NTNG1: variants seen among roughly 807,000 people sequenced by gnomAD.
NTNG1 encodes netrin-G1.
Under a neutral mutation model 54.0 loss-of-function variants are expected in NTNG1, and 16 were observed. The observed-to-expected ratio is 0.30, with a 90% CI of 0.20 to 0.45. NTNG1 has a LOEUF of 0.45. Among genes scored for constraint, NTNG1 ranks in the 20% least tolerant of loss-of-function variants. The pLI is 1.00. For missense variants in NTNG1, 530 were observed against 678.7 expected (o/e 0.78, Z 2.43); for synonymous variants, 255 against 263.1 (o/e 0.97, Z 0.30).
rs1361791693 is a variant in NTNG1, at chr1:107,372,762, AT to A, written c.888-22383del. Among the ~76,000 whole-genome samples, 9 of 151,398 alleles carry A rather than the reference AT, an allele frequency of 5.9e-5. No individual in the cohort carries two copies. The East Asian group carries it at 1.5e-3, about 26-fold the overall frequency. On this transcript the variant is annotated intron_variant, in intron 3 of 7. Transcript: ENST00000370068. Reference sequence around the variant, plus strand: ...AGGACTATGGAAACACCTCGCCATCATTTTTTTTTATTTGTCCTTCAATCAA... The same window carrying A: ...AGGACTATGGAAACACCTCGCCATCATTTTTTTTATTTGTCCTTCAATCAA...
chr1:107,468,558 C>G (rs770163194), intron 7 of NTNG1, among the ~76,000 whole-genome samples: 1 of 152,146 alleles, frequency 6.6e-6, no homozygotes, highest in Non-Finnish European at 1.5e-5. Flanking sequence ...TCAAAGAACA[C>G]CAAATCCTTT....
In NTNG1 at chr1:107,183,262, TG is replaced by T. The variant is rs373737282; in HGVS notation, c.246+34425del. 5.8e-3 allele frequency among the ~76,000 whole-genome samples: 877 copies of T among 152,278 alleles called. 5 individuals are homozygous for T. Among genetic ancestry groups the T allele is most frequent in the Non-Finnish European group, 8.4e-3 (571 of 68,016 alleles). On this transcript the variant is annotated intron_variant, in intron 2 of 7. Transcript: ENST00000370068. ...TACTTCTCTTCTTTATGGCTGTATC[TG>T]GCACACTGATCTGTTTAAGGTCTTT...
At chr1:107,401,344 T>C (rs1433001113) in intron 4 of NTNG1, among the ~76,000 whole-genome samples, 2 of 152,130 alleles carry the variant, frequency 1.3e-5, no homozygotes, top group African/African-American at 2.4e-5. Context: ...AGGCCCAGTG[T>C]TGAAAACCGG....
intron 3 of NTNG1, among the ~76,000 whole-genome samples, chr1:107,360,419 C>T (rs1670192503): frequency 6.6e-6 from 1 of 151,958 alleles, no homozygotes; most frequent in Non-Finnish European, 1.5e-5. Flanking sequence ...TGTAAAGACC[C>T]TGAAGAGAAA....
At chr1:107,287,109 T>G (rs1014317486) in intron 2 of NTNG1, among the ~76,000 whole-genome samples, 19 of 152,170 alleles carry the variant, frequency 1.2e-4, no homozygotes, top group Admixed American at 8.5e-4. Context: ...TATAAAGGAA[T>G]AATAGATGTA....
intron 3 of NTNG1, among the ~76,000 whole-genome samples, chr1:107,347,354 A>G (rs1275552094): frequency 6.6e-6 from 1 of 152,134 alleles, no homozygotes; most frequent in Non-Finnish European, 1.5e-5. Flanking sequence ...TATCTAGAAA[A>G]CATTAGAAAA....
At chr1:107,320,710 A>G (rs2101867280) in intron 2 of NTNG1, among the ~76,000 whole-genome samples, 1 of 122,272 alleles carries the variant, frequency 8.2e-6, no homozygotes, top group Non-Finnish European at 1.9e-5. Flanking sequence ...GGGGACCAAA[A>G]TGAAATCTTT....
chr1:107,189,888 T>A (rs1657777046), intron 2 of NTNG1, among the ~76,000 whole-genome samples: 1 of 151,894 alleles, frequency 6.6e-6, no homozygotes, highest in Non-Finnish European at 1.5e-5. Context: ...GCAGCATTAT[T>A]TGTAACAGCC....
At chr1:107,347,007 G>T (rs1401271356) in intron 3 of NTNG1, among the ~76,000 whole-genome samples, 1 of 151,634 alleles carries the variant, frequency 6.6e-6, no homozygotes, top group African/African-American at 2.4e-5. Flanking sequence ...AGAGGAAGAG[G>T]TAGGGAATAA....
chr1:107,440,176 A>G (rs1675880646), intron 7 of NTNG1, among the ~76,000 whole-genome samples: 1 of 152,100 alleles, frequency 6.6e-6, no homozygotes. Flanking sequence ...AGATATCAGG[A>G]AGAGTCCAAG....
intron 2 of NTNG1, among the ~76,000 whole-genome samples, chr1:107,218,175 T>C (rs937947836): frequency 6.6e-6 from 1 of 152,196 alleles, no homozygotes; most frequent in Non-Finnish European, 1.5e-5. Context: ...TATTTTCCTG[T>C]TGGACTAGTT....
Position 107,220,505 on chromosome 1 carries a change from C to T in NTNG1, c.246+71666C>T, listed in dbSNP as rs181936218. ...CCATTTTAAATATATCCTCTACATA[C>T]AGTATCAGCTTTTGCACATATGCAT... is the stretch of plus-strand genomic sequence containing the variant. On this transcript the variant is annotated intron_variant, in intron 2 of 7. Transcript: ENST00000370068. 2.6e-5 allele frequency among the ~76,000 whole-genome samples: 4 copies of T among 152,256 alleles called. No homozygotes were observed. The East Asian group carries it at 7.7e-4, about 29-fold the overall frequency.
intron 2 of NTNG1, among the ~76,000 whole-genome samples, chr1:107,257,584 C>G (rs1454972401): frequency 6.6e-6 from 1 of 152,258 alleles, no homozygotes; most frequent in Admixed American, 6.5e-5. Flanking sequence ...CTCCAGTCAC[C>G]TGATTTGGAA....
intron 3 of NTNG1, among the ~76,000 whole-genome samples, chr1:107,358,096 CTG>C (rs1299608374): frequency 1.3e-5 from 2 of 152,042 alleles, no homozygotes; most frequent in African/African-American, 4.8e-5. Context: ...ACTCTAAACA[CTG>C]TGAGAAAGTG....
intron 3 of NTNG1, among the ~76,000 whole-genome samples, chr1:107,388,721 A>G (rs1017577383): frequency 1.3e-5 from 2 of 152,214 alleles, no homozygotes; most frequent in Admixed American, 1.3e-4. Context: ...TGTCTATTTC[A>G]GTGTCCCAGT....
chr1:107,230,368 G>C (rs1057124336), intron 2 of NTNG1, among the ~76,000 whole-genome samples: 1 of 152,104 alleles, frequency 6.6e-6, no homozygotes, highest in Non-Finnish European at 1.5e-5. Context: ...GTCTGTATCA[G>C]ACAGATCTCT....
intron 5 of NTNG1, among the ~76,000 whole-genome samples, chr1:107,425,974 GTCT>G (rs1674886132): frequency 6.6e-6 from 1 of 152,018 alleles, no homozygotes; most frequent in Non-Finnish European, 1.5e-5. Flanking sequence ...CTACTTGTAT[GTCT>G]TCTTTTGAGA....
At chr1:107,217,667 A>G (rs1333212962) in intron 2 of NTNG1, among the ~76,000 whole-genome samples, 24 of 152,126 alleles carry the variant, frequency 1.6e-4, no homozygotes, top group Admixed American at 1.6e-3. Context: ...TACTCATTTC[A>G]AAGAATCTTT....
intron 2 of NTNG1, among the ~76,000 whole-genome samples, chr1:107,297,249 G>GATATATATATATATATATA (rs1491195014): frequency 3.7e-4 from 7 of 18,672 alleles, no homozygotes; most frequent in Non-Finnish European, 4.7e-4. Context: ...ATATATATGC[G>GATATATATATATATATATA]CACACACACA....
Sources: allele counts gnomAD v4.1 joint callset (sites outside exome capture counted in the v4.1 genomes callset), GRCh38; gene constraint gnomAD v4.1.1; transcripts MANE v1.5; gene names NCBI Gene and HGNC (gene_info 2026-07-23, HGNC 2026-07-21).